HSD17B3: variants seen among roughly 807,000 people sequenced by gnomAD.
The protein encoded by HSD17B3 is hydroxysteroid 17-beta dehydrogenase 3, also known as 17-beta-hydroxysteroid dehydrogenase type 3.
Under a neutral mutation model 41.1 loss-of-function variants are expected in HSD17B3, and 29 were observed. The observed-to-expected ratio is 0.71, with a 90% confidence interval of 0.53 to 0.96. HSD17B3 has a LOEUF of 0.96. HSD17B3 is among the 40% of genes least tolerant of loss of function. The pLI, the probability that HSD17B3 is intolerant of heterozygous loss-of-function variation, is 0.00. For synonymous variants in HSD17B3, 126 were observed against 145.6 expected (o/e 0.87, Z 0.97); for missense variants, 323 against 374.6 (o/e 0.86, Z 1.14).
At chr9:96,262,490 C>G (rs1564038996) in intron 2 of HSD17B3, among the ~76,000 whole-genome samples, 1 of 151,894 alleles carries the variant, frequency 6.6e-6, no homozygotes, top group Non-Finnish European at 1.5e-5. Flanking sequence ...GTGATCCACC[C>G]TCCTCAGCCT....
At position 96,262,229 on chromosome 9, in the gene HSD17B3, C is replaced by CT. The variant is rs71368240; in HGVS notation, c.202-7287dup. On this transcript the variant is annotated intron_variant, in intron 2 of 10. Transcript: ENST00000375263. ...ACAGTGGTTGTAAACATGTCAATTG[C>CT]TTTTTTTTTTTTTTTTTTTTTTTTT... is the stretch of plus-strand genomic sequence containing the variant. 4.4e-3 allele frequency among the ~76,000 whole-genome samples: 238 copies of CT among 54,210 alleles called. 53 individuals are homozygous for CT. The highest frequency in any genetic ancestry group is 1.0e-2 in the African/African-American group (125 of 12,520). The allele number at this position is 54,210 out of a possible 152,430, so 35.6% of individuals were successfully genotyped here. A position where few individuals can be genotyped will look rare whatever the true frequency, so the allele number is the denominator to read the frequency against.
intron 2 of HSD17B3, among the ~76,000 whole-genome samples, chr9:96,266,980 C>T (rs184219864): frequency 6.6e-6 from 1 of 152,058 alleles, no homozygotes; most frequent in Non-Finnish European, 1.5e-5. Context: ...CTATAGTACA[C>T]CCTGATCATA....
intron 2 of HSD17B3, among the ~76,000 whole-genome samples, chr9:96,260,486 G>A (rs960047245): frequency 6.6e-6 from 1 of 152,120 alleles, no homozygotes; most frequent in Non-Finnish European, 1.5e-5. Flanking sequence ...CTAACTTTGG[G>A]AGAGACTTAG....
intron 6 of HSD17B3, 50 bp from the exon 7 acceptor site, chr9:96,246,640 C>T (rs1300284672): frequency 6.4e-7 from 1 of 1,555,922 alleles, no homozygotes; most frequent in African/African-American, 1.4e-5. Context: ...AGTAGCAGTG[C>T]AAGGGGGCGG....
Position 96,235,534 on chromosome 9 carries a change from A to G in HSD17B3, c.859T>C (p.Tyr287His). ...FLSLIPAWAF[Y>H]SGAFQRLLLT... The stretch of plus-strand genomic sequence containing the variant: ...AGCAGCCTTTGGAAGGCACCGCTGT[A>G]GAAGGCCCAGGCCGGGATCAGGCTC... The change falls in exon 11 of 11, where the codon TAC (tyrosine) becomes CAC (histidine). Residue 287 changes from tyrosine to histidine, a missense_variant. By Grantham distance (83) the Tyr-to-His change is moderately conservative. Transcript: ENST00000375263. 1 of 1,614,150 alleles carries G rather than the reference A, an allele frequency of 6.2e-7. No homozygotes were observed. The highest frequency in any genetic ancestry group is 8.5e-7 in the Non-Finnish European group (1 of 1,180,022).
chr9:96,244,486 C>T, intron 8 of HSD17B3, 92 bp from the exon 9 acceptor site: 1 of 1,159,820 alleles, frequency 8.6e-7, no homozygotes, highest in Non-Finnish European at 1.3e-6. Flanking sequence ...TGCAGACACA[C>T]TACCTGCTAG....
At chr9:96,252,242 A>G (rs961829681) in intron 4 of HSD17B3, among the ~76,000 whole-genome samples, 7 of 152,166 alleles carry the variant, frequency 4.6e-5, no homozygotes, top group African/African-American at 1.7e-4. Flanking sequence ...TCATTTTAAT[A>G]TTAGAAAATA....
chr9:96,290,070 T>C (rs2130788820), intron 2 of HSD17B3, among the ~76,000 whole-genome samples: 1 of 152,188 alleles, frequency 6.6e-6, no homozygotes. Context: ...ATTCAGGTGC[T>C]ACAGGAGTGG....
At chr9:96,260,900 C>A (rs2130743619) in intron 2 of HSD17B3, among the ~76,000 whole-genome samples, 1 of 152,288 alleles carries the variant, frequency 6.6e-6, no homozygotes, top group East Asian at 1.9e-4. Context: ...GTGGAGGGAG[C>A]ATTGCCCGCC....
In HSD17B3 at chr9:96,302,021, G is replaced by T; in HGVS notation, c.84C>A (p.Ser28=). The stretch of plus-strand genomic sequence containing the variant: ...TCCAGTAGTTCAGTAAAACACATCT[G>T]GAGAATCTCACGCACTTCGCCAGGC... ...LACLAKCVRF[S]RCVLLNYWKV... is the part of the protein sequence containing the mutation. Residue 28 remains serine, a synonymous_variant, in exon 1 of 11, where the codon TCC becomes TCA. Coordinates refer to ENST00000375263, the MANE Select transcript of HSD17B3 (RefSeq NM_000197.2). The T allele has an allele frequency of 6.2e-7, 1 of 1,614,144 alleles. No homozygotes were observed. The highest frequency in any genetic ancestry group is 8.5e-7 in the Non-Finnish European group (1 of 1,180,008).
At chr9:96,267,914 T>G (rs749668219) in intron 2 of HSD17B3, among the ~76,000 whole-genome samples, 1 of 151,980 alleles carries the variant, frequency 6.6e-6, no homozygotes, top group Non-Finnish European at 1.5e-5. Flanking sequence ...TCCATATCTC[T>G]GCTCGTTTTC....
intron 2 of HSD17B3, among the ~76,000 whole-genome samples, chr9:96,272,741 T>C (rs1826314273): frequency 6.6e-6 from 1 of 151,882 alleles, no homozygotes; most frequent in African/African-American, 2.4e-5. Flanking sequence ...AAGACTTATG[T>C]TTACATAAAA....
chr9:96,262,118 C>T (rs1321835930), intron 2 of HSD17B3, among the ~76,000 whole-genome samples: 3 of 151,488 alleles, frequency 2.0e-5, no homozygotes, highest in Admixed American at 2.0e-4. Flanking sequence ...TCATGAACAA[C>T]GCCCAGTGAG....
chr9:96,241,171 GTC>G (rs1232921203), intron 9 of HSD17B3, among the ~76,000 whole-genome samples: 8 of 152,108 alleles, frequency 5.3e-5, no homozygotes, highest in Non-Finnish European at 1.0e-4. Flanking sequence ...AAGAACTCGG[GTC>G]TCTCTCTCAG....
chr9:96,237,594 C>T (rs1836282073), intron 10 of HSD17B3, among the ~76,000 whole-genome samples: 1 of 152,204 alleles, frequency 6.6e-6, no homozygotes, highest in African/African-American at 2.4e-5. Context: ...TTTGCCTGGC[C>T]TCTTGGTAAT....
At chr9:96,272,424 T>TATATATATATATATATATATATATAAA (rs1826290620) in intron 2 of HSD17B3, among the ~76,000 whole-genome samples, 4 of 90,012 alleles carry the variant, frequency 4.4e-5, no homozygotes, top group African/African-American at 1.6e-4. Context: ...TATATATATA[T>TATATATATATATATATATATATATAAA]ATATATATAT....
chr9:96,277,542 T>C (rs190043512), intron 2 of HSD17B3, among the ~76,000 whole-genome samples: 1 of 152,158 alleles, frequency 6.6e-6, no homozygotes, highest in African/African-American at 2.4e-5. Context: ...CCTGTTAGAA[T>C]AGCTACTATA....
At chr9:96,279,725 G>C (rs187454353) in intron 2 of HSD17B3, among the ~76,000 whole-genome samples, 1 of 152,082 alleles carries the variant, frequency 6.6e-6, no homozygotes, top group East Asian at 1.9e-4. Context: ...TTTAGGGCCT[G>C]CTGTCTGTGA....
chr9:96,277,768 C>T (rs112577091), intron 2 of HSD17B3, among the ~76,000 whole-genome samples: 4,019 of 151,358 alleles, frequency 0.027, 189 homozygotes, highest in African/African-American at 0.092. Context: ...CATTACAGTA[C>T]TATTCACAAT....
Sources: gnomAD v4.1 joint callset for allele counts (sites outside exome capture counted in the v4.1 genomes callset) on GRCh38, gnomAD v4.1.1 for gene constraint, MANE v1.5 for transcripts, NCBI Gene and HGNC (gene_info 2026-07-23, HGNC 2026-07-21) for gene names.